BRD10: variants seen among roughly 807,000 people sequenced by gnomAD.
The protein encoded by BRD10 is bromodomain containing 10.
chr9:5,889,987 C>CA, the BRD10 span, among the ~76,000 whole-genome samples: 1 of 152,148 alleles, frequency 6.6e-6, no homozygotes, highest in Non-Finnish European at 1.5e-5. Flanking sequence ...ACAGAGAACT[C>CA]ATGGAGCTCA....
At chr9:5,939,918 T>C in the BRD10 span, among the ~76,000 whole-genome samples, 4 of 152,294 alleles carry the variant, frequency 2.6e-5, no homozygotes, top group African/African-American at 4.8e-5. Flanking sequence ...TCATTCCTGA[T>C]TGATAACCAC....
the BRD10 span, among the ~76,000 whole-genome samples, chr9:5,999,430 C>T: frequency 2.0e-5 from 3 of 151,976 alleles, no homozygotes; most frequent in Non-Finnish European, 2.9e-5. Context: ...ACTTTTAACT[C>T]GGAAGTCAAG....
chr9:5,897,469 C>A, the BRD10 span: 1 of 1,245,118 alleles, frequency 8.0e-7, no homozygotes, highest in Non-Finnish European at 1.2e-6. Context: ...CGTCAAAGTC[C>A]ATATGAAGAG....
the BRD10 span, chr9:5,891,247 G>A: frequency 6.6e-6 from 1 of 152,260 alleles, no homozygotes; most frequent in Non-Finnish European, 1.5e-5. Flanking sequence ...CCTGGTCTGA[G>A]TAGTAAGAGG....
the BRD10 span, among the ~76,000 whole-genome samples, chr9:5,944,188 T>C: frequency 5.9e-5 from 9 of 152,178 alleles, no homozygotes; most frequent in African/African-American, 1.9e-4. Flanking sequence ...TATGTAATTG[T>C]GTTTAAAATC....
At chr9:5,962,322 T>A in the BRD10 span, among the ~76,000 whole-genome samples, 1 of 112,770 alleles carries the variant, frequency 8.9e-6, no homozygotes, top group South Asian at 3.4e-4. Flanking sequence ...AATGGATAAA[T>A]TCCTCGACAC....
At chr9:5,921,937 A>G in the BRD10 span, 2 of 1,613,990 alleles carry the variant, frequency 1.2e-6, no homozygotes. Flanking sequence ...TGGAAACAGA[A>G]GTTGGTGTTT....
chr9:5,881,924 G>A, the BRD10 span, among the ~76,000 whole-genome samples: 36 of 152,292 alleles, frequency 2.4e-4, no homozygotes, highest in Non-Finnish European at 7.4e-5. Flanking sequence ...ACAGAAAGAC[G>A]TAATCCCCAC....
chr9:5,922,741 A>C, the BRD10 span: 2 of 1,613,980 alleles, frequency 1.2e-6, no homozygotes, highest in East Asian at 4.5e-5. Context: ...GCTGCACCTG[A>C]ATCTTTACAG....
At chr9:5,995,147 C>T in the BRD10 span, among the ~76,000 whole-genome samples, 2 of 152,164 alleles carry the variant, frequency 1.3e-5, no homozygotes, top group Non-Finnish European at 2.9e-5. Context: ...TTGATCCACC[C>T]GCCTTGGCAT....
At chr9:5,983,995 ACACACACACACC>A in the BRD10 span, among the ~76,000 whole-genome samples, 1 of 151,378 alleles carries the variant, frequency 6.6e-6, no homozygotes, top group South Asian at 2.1e-4. Flanking sequence ...ACACACACAC[ACACACACACACC>A]CCTCTCCATC....
At chr9:5,968,633 G>C in the BRD10 span, 1 of 1,613,626 alleles carries the variant, frequency 6.2e-7, no homozygotes, top group East Asian at 2.2e-5. Context: ...CTTGAAGGAA[G>C]AGGGCAGGCT....
the BRD10 span, among the ~76,000 whole-genome samples, chr9:5,958,247 A>G: frequency 5.9e-5 from 9 of 152,214 alleles, no homozygotes; most frequent in African/African-American, 1.7e-4. Flanking sequence ...AGGGAAAATT[A>G]TAACTAAAGA....
the BRD10 span, among the ~76,000 whole-genome samples, chr9:5,928,577 G>A: frequency 6.6e-6 from 1 of 151,880 alleles, no homozygotes; most frequent in Non-Finnish European, 1.5e-5. Flanking sequence ...TCCACTAAAC[G>A]CCAAACATGC....
the BRD10 span, chr9:5,898,022 G>C: frequency 2.5e-5 from 5 of 203,760 alleles, no homozygotes; most frequent in African/African-American, 9.1e-5. Context: ...GCATCACATG[G>C]GCAAGGGAGT....
At chr9:5,884,983 C>T in the BRD10 span, among the ~76,000 whole-genome samples, 1 of 152,194 alleles carries the variant, frequency 6.6e-6, no homozygotes, top group South Asian at 2.1e-4. Flanking sequence ...GAGGGAGCCA[C>T]ACTCAAGGCC....
the BRD10 span, among the ~76,000 whole-genome samples, chr9:5,977,861 C>T: frequency 9.8e-5 from 13 of 132,040 alleles, no homozygotes; most frequent in Non-Finnish European, 2.1e-4. Flanking sequence ...TGCTGAAGTA[C>T]ATCACATTTT....
At chr9:5,892,027 T>C in the BRD10 span, among the ~76,000 whole-genome samples, 3 of 152,200 alleles carry the variant, frequency 2.0e-5, no homozygotes, top group Non-Finnish European at 4.4e-5. Context: ...AACAATAACT[T>C]TGGAGAAAAA....
chr9:5,897,502 A>T, the BRD10 span: 2 of 1,480,934 alleles, frequency 1.4e-6, no homozygotes, highest in Non-Finnish European at 1.9e-6. Context: ...ATGCTTCATC[A>T]TAATGTAGAA....
Sources: allele counts gnomAD v4.1 joint callset (sites outside exome capture counted in the v4.1 genomes callset), GRCh38; gene constraint gnomAD v4.1.1; transcripts MANE v1.5; gene names NCBI Gene and HGNC (gene_info 2026-07-23, HGNC 2026-07-21).